COLQ: variants seen among roughly 807,000 people sequenced by gnomAD.
The protein encoded by COLQ is acetylcholinesterase collagenic tail peptide.
Under a neutral mutation model 69.0 loss-of-function variants are expected in COLQ, and 48 were observed. That is an observed-to-expected ratio of 0.70 (90% CI 0.55 to 0.88). COLQ has a LOEUF of 0.88. Among genes scored for constraint, COLQ ranks in the 40% least tolerant of loss-of-function variants. The pLI, the probability that COLQ is intolerant of heterozygous loss-of-function variation, is 0.00. For missense variants in COLQ, 618 were observed against 594.6 expected (o/e 1.04, Z -0.41); for synonymous variants, 217 against 211.2 (o/e 1.03, Z -0.24).
In COLQ at chr3:15,477,208, C is replaced by T; in HGVS notation, c.394-11G>A. The T allele has an allele frequency of 6.2e-7, 1 of 1,603,148 alleles. No individual in the cohort carries two copies. On this transcript the variant is annotated splice_polypyrimidine_tract_variant and intron_variant, in intron 5 of 16. Coordinates refer to ENST00000383788, the MANE Select transcript of COLQ (RefSeq NM_005677.4). Reference sequence around the variant, plus strand: ...GGGGCCAGGTCTACCCTTCAAAGACCAAGAACAAAAGTCAGGGCAACTGGG... The same window carrying T: ...GGGGCCAGGTCTACCCTTCAAAGACTAAGAACAAAAGTCAGGGCAACTGGG...
intron 12 of COLQ, among the ~76,000 whole-genome samples, chr3:15,464,029 C>T (rs1473172279): frequency 1.3e-5 from 2 of 152,154 alleles, no homozygotes; most frequent in East Asian, 3.8e-4. Flanking sequence ...GCTTTCTTGC[C>T]CTTGCTAAAA....
intron 10 of COLQ, among the ~76,000 whole-genome samples, chr3:15,472,558 T>C (rs1341947072): frequency 6.6e-6 from 1 of 152,214 alleles, no homozygotes; most frequent in Non-Finnish European, 1.5e-5. Context: ...GTTTGAGAAC[T>C]ATGTTAAAAT....
At chr3:15,520,040 G>A (rs2063115786) in intron 1 of COLQ, among the ~76,000 whole-genome samples, 1 of 152,168 alleles carries the variant, frequency 6.6e-6, no homozygotes, top group Admixed American at 6.5e-5. Context: ...ATCAGAGGCA[G>A]GGCTAGAACC....
intron 6 of COLQ, 120 bp downstream of exon 6, chr3:15,477,006 C>A: frequency 9.7e-7 from 1 of 1,035,254 alleles, no homozygotes; most frequent in South Asian, 1.4e-5. Flanking sequence ...CTTAAGCTCT[C>A]TTCTTCTTCC....
intron 1 of COLQ, 130 bp downstream of exon 1, chr3:15,521,390 C>T (rs1327079278): frequency 1.7e-5 from 21 of 1,236,654 alleles, no homozygotes; most frequent in Non-Finnish European, 2.2e-5. Context: ...CTGGGGTGGC[C>T]GTCTTCCTTC....
chr3:15,451,403 G>T lies in COLQ; in HGVS notation c.*241C>A. 1 of 658,328 alleles carries T rather than the reference G, an allele frequency of 1.5e-6. No homozygotes were observed. Among genetic ancestry groups the T allele is most frequent in the South Asian group, 1.8e-5 (1 of 57,130 alleles). 40.8% of individuals were successfully genotyped at this position (658,328 alleles called of 1,614,324 possible). A position where few individuals can be genotyped will look rare whatever the true frequency, so the allele number is the denominator to read the frequency against. On this transcript the variant is annotated 3_prime_UTR_variant, in exon 17 of 17. Transcript: ENST00000383788. ...TTGTTTGGCCAAATGGTAGCGATGG[G>T]GAACAGGTCTCAGGTTGGGCATGTG... is the stretch of plus-strand genomic sequence containing the variant.
chr3:15,498,871 A>C, intron 1 of COLQ: 1 of 1,375,476 alleles, frequency 7.3e-7, no homozygotes, highest in South Asian at 1.5e-5. Context: ...AGGGGAGGAT[A>C]TGAGGTTGGG....
At chr3:15,458,650 G>A (rs866951794) in intron 12 of COLQ, among the ~76,000 whole-genome samples, 1 of 152,186 alleles carries the variant, frequency 6.6e-6, no homozygotes, top group Non-Finnish European at 1.5e-5. Context: ...AAGGCTCATG[G>A]GGCCTGGGGC....
chr3:15,459,823 T>C (rs1195869287), intron 12 of COLQ, among the ~76,000 whole-genome samples: 1 of 151,726 alleles, frequency 6.6e-6, no homozygotes, highest in African/African-American at 2.4e-5. Context: ...TACTTTAAGT[T>C]TTAGGGTACA....
chr3:15,491,404 T>G (rs1047626334), intron 1 of COLQ, among the ~76,000 whole-genome samples: 3 of 152,078 alleles, frequency 2.0e-5, no homozygotes, highest in African/African-American at 7.2e-5. Flanking sequence ...TTGAACCCAG[T>G]TTTCTGTCTT....
chr3:15,453,497 A>C (rs1488967480), intron 16 of COLQ, among the ~76,000 whole-genome samples: 3 of 152,236 alleles, frequency 2.0e-5, no homozygotes, highest in African/African-American at 7.2e-5. Flanking sequence ...CCCACAGCCC[A>C]GGAGACTATG....
At chr3:15,472,210 C>G (rs1173228031) in intron 10 of COLQ, among the ~76,000 whole-genome samples, 2 of 152,150 alleles carry the variant, frequency 1.3e-5, no homozygotes, top group Non-Finnish European at 2.9e-5. Context: ...ATTTATTATT[C>G]TTTGACGTTC....
At position 15,468,325 on chromosome 3, in the gene COLQ, T is replaced by G. The variant is rs113404683; in HGVS notation, c.718-1888A>C. ...AATTGTTTCTCAGTTACTGAAGTTT[T>G]TTTTTTTTTTTTTTTTTTTTTTTGA... On this transcript the variant is annotated intron_variant, in intron 11 of 16. Transcript: ENST00000383788. 6.3e-4 allele frequency among the ~76,000 whole-genome samples: 82 copies of G among 130,080 alleles called. 1 individual carries two copies. Among genetic ancestry groups the G allele is most frequent in the African/African-American group, 2.5e-3 (79 of 31,630 alleles). 85.3% of individuals were successfully genotyped at this position (130,080 alleles called of 152,430 possible).
chr3:15,466,399 G>T lies in COLQ; in HGVS notation c.756C>A (p.Gly252=). Residue 252 remains glycine (G), a synonymous_variant, in exon 12 of 17, where the codon GGC becomes GGA. Transcript: ENST00000383788. ...KGDSGVMGPP[G]KPGPSGQPGR... is the part of the protein sequence containing the mutation. ...CAGGTTGACCAGAAGGCCCAGGCTTGCCTGGTGGGCCCATAACTCCACTAT... is the reference window on the plus strand; with the variant it reads ...CAGGTTGACCAGAAGGCCCAGGCTTTCCTGGTGGGCCCATAACTCCACTAT... 1 of 1,614,164 alleles carries T rather than the reference G, an allele frequency of 6.2e-7. No individual in the cohort carries two copies. The highest frequency in any genetic ancestry group is 8.5e-7 in the Non-Finnish European group (1 of 1,180,042).
At chr3:15,498,300 G>C (rs2062778008) in intron 1 of COLQ, among the ~76,000 whole-genome samples, 1 of 152,116 alleles carries the variant, frequency 6.6e-6, no homozygotes, top group Non-Finnish European at 1.5e-5. Context: ...AAACCCCTTT[G>C]CATTGCAACT....
rs547637415 is a variant in COLQ, at chr3:15,513,208, G to A, written c.106+8312C>T. 9.9e-5 allele frequency among the ~76,000 whole-genome samples: 15 copies of A among 152,250 alleles called. No individual in the cohort carries two copies. In the East Asian group the frequency reaches 2.1e-3, roughly 22 times the overall value. On this transcript the variant is annotated intron_variant, in intron 1 of 16. Transcript: ENST00000383788. Reference sequence around the variant, plus strand: ...CGCTGGATCCCAACTTCTGCATCCCGACAGGGAAGGGCTGCTGAGCTATAA... The same window carrying A: ...CGCTGGATCCCAACTTCTGCATCCCAACAGGGAAGGGCTGCTGAGCTATAA...
At chr3:15,491,103 G>A (rs528164483) in intron 1 of COLQ, among the ~76,000 whole-genome samples, 41 of 151,502 alleles carry the variant, frequency 2.7e-4, no homozygotes, top group Non-Finnish European at 5.2e-4. Context: ...CAAGATAAAC[G>A]TTTTAGTTAA....
At chr3:15,488,638 C>G (rs1020239746) in intron 2 of COLQ, among the ~76,000 whole-genome samples, 1 of 152,104 alleles carries the variant, frequency 6.6e-6, no homozygotes, top group South Asian at 2.1e-4. Context: ...AAGAGCAACA[C>G]TGTAATTTTA....
At chr3:15,478,618 C>T (rs2062421487) in intron 5 of COLQ, 1 of 368,248 alleles carries the variant, frequency 2.7e-6, no homozygotes, top group Non-Finnish European at 5.1e-6. Flanking sequence ...TTTAATCAAA[C>T]AGAGAGTGAC....
Sources: allele counts gnomAD v4.1 joint callset (sites outside exome capture counted in the v4.1 genomes callset), GRCh38; gene constraint gnomAD v4.1.1; transcripts MANE v1.5; gene names NCBI Gene and HGNC (gene_info 2026-07-23, HGNC 2026-07-21).